ARHGEF12: variants seen among roughly 807,000 people sequenced by gnomAD.
The protein encoded by ARHGEF12 is Rho guanine nucleotide exchange factor 12, also known as KMT2A/ARHGEF12 fusion protein.
In ARHGEF12, 66 loss-of-function variants were observed where a neutral mutation model predicts 211.2. That is an observed-to-expected ratio of 0.31 (90% CI 0.26 to 0.38). The LOEUF (loss-of-function observed/expected upper bound fraction) is 0.38. ARHGEF12 is among the 10% of genes least tolerant of loss of function. The probability of loss-of-function intolerance (pLI) is 1.00; values close to 1 mark genes in which losing one functional copy is unlikely to be tolerated. For missense variants in ARHGEF12, 1,429 were observed against 1,869.5 expected, an observed-to-expected ratio of 0.76 and a Z score of 4.34; for synonymous variants, 592 against 638.4, an observed-to-expected ratio of 0.93 and a Z score of 1.09.
At chr11:120,355,156 G>A (rs566031470) in intron 1 of ARHGEF12, among the ~76,000 whole-genome samples, 2 of 152,208 alleles carry the variant, frequency 1.3e-5, no homozygotes, top group East Asian at 3.9e-4. Context: ...AATAATGAGG[G>A]GGAAAGCAAC....
At position 120,451,616 on chromosome 11, in the gene ARHGEF12, G is replaced by A. The variant is rs1406349202; in HGVS notation, c.1948G>A (p.Gly650Arg). The A allele has an allele frequency of 1.2e-6, 2 of 1,614,144 alleles. No homozygotes were observed. The highest frequency in any genetic ancestry group is 1.7e-5 in the Admixed American group (1 of 60,006). Residue 650 changes from glycine to arginine, a missense_variant, in exon 22 of 41, where the codon GGG (glycine) becomes AGG (arginine). Transcript: ENST00000397843. ...GGACTCTGCCAAGTTGCGCCAGAGT[G>A]GGTTAGCAAATGAAGGAACAGACGC... The part of the protein sequence containing the change: ...PQDSAKLRQS[G>R]LANEGTDAGY...
Position 120,475,292 on chromosome 11 carries a change from C to T in ARHGEF12, c.3110-48C>T, listed in dbSNP as rs369576397. 170 of 1,523,870 alleles carry T rather than the reference C, an allele frequency of 1.1e-4. No homozygotes were observed. The Middle Eastern group carries it at 1.4e-3, about 13-fold the overall frequency. The allele number at this position is 1,523,870 out of a possible 1,614,324, so 94.4% of individuals were successfully genotyped here. A position where few individuals can be genotyped will look rare whatever the true frequency, so the allele number is the denominator to read the frequency against. On this transcript the variant is annotated intron_variant, in intron 32 of 40. Coordinates refer to ENST00000397843, the MANE Select transcript of ARHGEF12 (RefSeq NM_015313.3). ...GAATCATTATAAAGTTAATCAAACG[C>T]GTCTCCATTTCTGTACTTACCATTT...
intron 4 of ARHGEF12, among the ~76,000 whole-genome samples, chr11:120,417,505 ATTTT>A (rs34950022): frequency 7.6e-6 from 1 of 130,978 alleles, no homozygotes. Context: ...TAGTCTAATA[ATTTT>A]TTTTTTTTTT....
chr11:120,454,672 TG>T (rs1309521363), intron 22 of ARHGEF12, among the ~76,000 whole-genome samples: 1 of 152,240 alleles, frequency 6.6e-6, no homozygotes, highest in Non-Finnish European at 1.5e-5. Flanking sequence ...AAAGCTTAAC[TG>T]GGGCTGGGGA....
At chr11:120,462,524 C>T (rs1946563837) in intron 27 of ARHGEF12, 1 of 152,158 alleles carries the variant, frequency 6.6e-6, no homozygotes, top group South Asian at 2.1e-4. Flanking sequence ...CAGACTTGCT[C>T]AGGGTTGCCA....
Position 120,424,350 on chromosome 11 carries a change from T to G in ARHGEF12, c.349-8T>G, listed in dbSNP as rs765521836. 4 of 1,611,696 alleles carry G rather than the reference T, an allele frequency of 2.5e-6. No homozygotes were observed. The highest frequency in any genetic ancestry group is 3.4e-6 in the Non-Finnish European group (4 of 1,178,450). ...TATCTGACATACACTACTTTCGTTT[T>G]CTTACAGGTGAATGGAACTCTGGTG... On this transcript the variant is annotated splice_region_variant and splice_polypyrimidine_tract_variant and intron_variant, in intron 6 of 40. Coordinates refer to ENST00000397843, the MANE Select transcript of ARHGEF12 (RefSeq NM_015313.3).
intron 8 of ARHGEF12, among the ~76,000 whole-genome samples, chr11:120,428,586 C>G (rs757816166): frequency 2.0e-5 from 3 of 152,048 alleles, no homozygotes; most frequent in Non-Finnish European, 4.4e-5. Flanking sequence ...TTTCCAGTAC[C>G]TGAAATATTG....
At chr11:120,401,685 C>T (rs1565454828) in intron 1 of ARHGEF12, among the ~76,000 whole-genome samples, 1 of 152,150 alleles carries the variant, frequency 6.6e-6, no homozygotes, top group Non-Finnish European at 1.5e-5. Flanking sequence ...AAATCACTTT[C>T]CCTGCTTGCC....
chr11:120,407,078 A>G (rs949707231), intron 2 of ARHGEF12, among the ~76,000 whole-genome samples: 3 of 152,200 alleles, frequency 2.0e-5, no homozygotes, highest in Admixed American at 1.3e-4. Flanking sequence ...TTTTAGTGTC[A>G]GCATAGTCCA....
At chr11:120,392,611 G>C (rs1242285430) in intron 1 of ARHGEF12, among the ~76,000 whole-genome samples, 3 of 152,160 alleles carry the variant, frequency 2.0e-5, no homozygotes, top group Admixed American at 6.5e-5. Flanking sequence ...CTAGACGTAG[G>C]CTTCAGAGAT....
At chr11:120,448,548 G>A in intron 20 of ARHGEF12, 200 bp downstream of exon 20, 1 of 555,020 alleles carries the variant, frequency 1.8e-6, no homozygotes, top group African/African-American at 1.9e-5. Flanking sequence ...ATTAGACAAT[G>A]TGAAAAGTGA....
At chr11:120,438,326 A>G (rs1480753032) in intron 12 of ARHGEF12, 1 of 151,766 alleles carries the variant, frequency 6.6e-6, no homozygotes, top group African/African-American at 2.4e-5. Flanking sequence ...TCCTTTTTTT[A>G]AAGAGGGAGT....
chr11:120,437,503 A>AT (rs957155670), intron 12 of ARHGEF12, 121 bp downstream of exon 12: 4 of 596,136 alleles, frequency 6.7e-6, no homozygotes, highest in African/African-American at 1.9e-5. Context: ...AAAAATTAAA[A>AT]TTTATTAAAG....
intron 22 of ARHGEF12, among the ~76,000 whole-genome samples, chr11:120,455,549 G>A (rs1247212808): frequency 6.6e-6 from 1 of 152,172 alleles, no homozygotes; most frequent in Non-Finnish European, 1.5e-5. Context: ...CAGTTTAACT[G>A]GAATGTACCT....
chr11:120,481,301 A>T lies in ARHGEF12; in HGVS notation c.4279A>T (p.Ser1427Cys). 6.2e-7 allele frequency: 1 copy of T among 1,614,148 alleles called. No individual in the cohort carries two copies. The change falls in exon 39 of 41, where the codon AGT (serine) becomes TGT (cysteine). Residue 1427 changes from serine to cysteine, a missense_variant. Physicochemically the swap from Ser to Cys is moderately radical, Grantham distance 112. Coordinates refer to ENST00000397843, the MANE Select transcript of ARHGEF12 (RefSeq NM_015313.3). Reference protein sequence around the residue: ...ILDGYDPVQESSTDEEVASSL... With the variant: ...ILDGYDPVQECSTDEEVASSL... ...TGATGGCTATGACCCAGTGCAGGAG[A>T]GTTCCACAGATGAGGAGGTTGCTTC...
At chr11:120,479,634 T>C (rs545490721) in intron 37 of ARHGEF12, among the ~76,000 whole-genome samples, 2 of 152,298 alleles carry the variant, frequency 1.3e-5, no homozygotes, top group East Asian at 1.9e-4. Flanking sequence ...TCTAGTTATA[T>C]AGAAGAAAAA....
chr11:120,451,822 C>G (rs1189762708), intron 22 of ARHGEF12, 98 bp downstream of exon 22: 2 of 1,107,684 alleles, frequency 1.8e-6, no homozygotes, highest in Non-Finnish European at 1.3e-6. Context: ...AGACTAAATC[C>G]CAGTTTAATT....
intron 10 of ARHGEF12, among the ~76,000 whole-genome samples, chr11:120,430,667 G>A (rs1285594211): frequency 1.3e-5 from 2 of 152,066 alleles, no homozygotes; most frequent in African/African-American, 4.8e-5. Flanking sequence ...CACTGTTCCC[G>A]AGTTAAATCT....
At position 120,409,395 on chromosome 11, in the gene ARHGEF12, T is replaced by C; in HGVS notation, c.144T>C (p.Asp48=). 6.2e-7 allele frequency: 1 copy of C among 1,613,844 alleles called. No individual in the cohort carries two copies. Among genetic ancestry groups the C allele is most frequent in the East Asian group, 2.2e-5 (1 of 44,866 alleles). The change falls in exon 4 of 41, where the codon GAT becomes GAC. Residue 48 remains aspartate (D), a splice_region_variant and synonymous_variant. Transcript: ENST00000397843. ...TCCTTTTCTCCCGCTCTTGTGCAGA[T>C]AGCTCCTCCAAGAAGACAAAGTCTA... is the stretch of plus-strand genomic sequence containing the variant. ...RIASHDFDPT[D]SSSKKTKSSS... is the part of the protein sequence containing the mutation.
Sources: allele counts gnomAD v4.1 joint callset (sites outside exome capture counted in the v4.1 genomes callset), GRCh38; gene constraint gnomAD v4.1.1; transcripts MANE v1.5; gene names NCBI Gene and HGNC (gene_info 2026-07-23, HGNC 2026-07-21).